RPS6KA2: variants seen among roughly 807,000 people sequenced by gnomAD.
The protein encoded by RPS6KA2 is ribosomal protein S6 kinase alpha-2.
In RPS6KA2, 42 loss-of-function variants were observed where a neutral mutation model predicts 91.8. The ratio of observed to expected loss-of-function variants is 0.46; its 90% CI spans 0.36 to 0.59. RPS6KA2 has a LOEUF of 0.59. RPS6KA2 is among the 20% of genes least tolerant of loss of function. The pLI, the probability that RPS6KA2 is intolerant of heterozygous loss-of-function variation, is 0.00. For synonymous variants in RPS6KA2, 414 were observed against 393.6 expected, an observed-to-expected ratio of 1.05 and a Z score of -0.61; for missense variants, 798 against 978.5, an observed-to-expected ratio of 0.82 and a Z score of 2.46.
rs369187418 is a variant in RPS6KA2 at position 166,469,930 on chromosome 6, T to C, written c.908-25A>G. ...CCTGTCAACAACACAGAAATGATCA[T>C]CAGAACAAATCCAAGATGGGGTTCT... On this transcript the variant is annotated intron_variant, in intron 10 of 20. Transcript: ENST00000265678. 173 of 1,601,228 alleles carry C rather than the reference T, an allele frequency of 1.1e-4. No individual in the cohort carries two copies. The African/African-American group carries it at 2.1e-3, about 19-fold the overall frequency.
chr6:166,694,000 T>A (rs187452066), intron 2 of RPS6KA2, among the ~76,000 whole-genome samples: 1 of 152,324 alleles, frequency 6.6e-6, no homozygotes, highest in Non-Finnish European at 1.5e-5. Flanking sequence ...AATGACAAAA[T>A]TGATAGAATG....
chr6:166,450,307 A>AC (rs1779849885), intron 13 of RPS6KA2, among the ~76,000 whole-genome samples: 2 of 147,874 alleles, frequency 1.4e-5, no homozygotes, highest in Admixed American at 6.7e-5. Flanking sequence ...GGGGACCACC[A>AC]TAGGGACCAC....
At chr6:166,841,798 T>A (rs1336545680) in intron 2 of RPS6KA2, among the ~76,000 whole-genome samples, 1 of 152,196 alleles carries the variant, frequency 6.6e-6, no homozygotes, top group Non-Finnish European at 1.5e-5. Flanking sequence ...TCTAAAGAGA[T>A]GAGGAAGAGG....
chr6:166,470,008 C>T, intron 10 of RPS6KA2, 103 bp from the exon 11 acceptor site: 2 of 1,057,632 alleles, frequency 1.9e-6, no homozygotes, highest in East Asian at 2.4e-5. Context: ...AGAGGTGGGG[C>T]CGTGGGAAGG....
intron 2 of RPS6KA2, among the ~76,000 whole-genome samples, chr6:166,804,459 A>G (rs1019527462): frequency 6.6e-6 from 1 of 152,048 alleles, no homozygotes; most frequent in Admixed American, 6.5e-5. Context: ...CTCTTTTTGA[A>G]CAAACGATCT....
intron 2 of RPS6KA2, among the ~76,000 whole-genome samples, chr6:166,810,888 G>A (rs1211317227): frequency 6.6e-6 from 1 of 152,172 alleles, no homozygotes; most frequent in African/African-American, 2.4e-5. Flanking sequence ...AGCACCAAGT[G>A]TCTCCACACA....
chr6:166,745,440 C>T (rs540843273), intron 2 of RPS6KA2, among the ~76,000 whole-genome samples: 1 of 152,330 alleles, frequency 6.6e-6, no homozygotes, highest in Non-Finnish European at 1.5e-5. Context: ...GTGTGAGCCA[C>T]TGCACCCGGC....
chr6:166,844,186 A>G (rs1337681537), intron 2 of RPS6KA2, among the ~76,000 whole-genome samples: 1 of 152,162 alleles, frequency 6.6e-6, no homozygotes, highest in African/African-American at 2.4e-5. Flanking sequence ...GAGCTCAAAG[A>G]CAAGGCTTTC....
At chr6:166,548,537 G>A (rs1783899691) in intron 1 of RPS6KA2, among the ~76,000 whole-genome samples, 1 of 152,166 alleles carries the variant, frequency 6.6e-6, no homozygotes, top group Non-Finnish European at 1.5e-5. Context: ...AGGAATAGAA[G>A]CATTCAAATA....
intron 2 of RPS6KA2, among the ~76,000 whole-genome samples, chr6:166,723,645 G>A (rs1174225909): frequency 6.6e-6 from 1 of 152,022 alleles, no homozygotes; most frequent in Non-Finnish European, 1.5e-5. Flanking sequence ...TCTATAGTTA[G>A]GAAATGACCG....
At position 166,732,174 on chromosome 6, in the gene RPS6KA2, G is replaced by A. The variant is rs938831843; in HGVS notation, c.123+126026C>T. On this transcript the variant is annotated intron_variant, in intron 2 of 21. Coordinates refer to the RPS6KA2 transcript ENST00000503859. This position sits in a 1 kb window ranked among gnomAD's most constrained non-coding sequence, Gnocchi z 4.0. ...ACCAAGAAAAATACTTTAATACAAT[G>A]TGCCAAAAACAGTAACATCAACCTG... is the stretch of plus-strand genomic sequence containing the variant. 6.7e-6 allele frequency among the ~76,000 whole-genome samples: 1 copy of A among 148,798 alleles called. No homozygotes were observed. The highest frequency in any genetic ancestry group is 1.5e-5 in the Non-Finnish European group (1 of 67,936).
intron 1 of RPS6KA2, among the ~76,000 whole-genome samples, chr6:166,625,867 T>C (rs894296199): frequency 2.0e-5 from 3 of 152,250 alleles, no homozygotes; most frequent in African/African-American, 7.2e-5. Flanking sequence ...AGAAACTTTT[T>C]AAACAAGTAA....
chr6:166,536,499 A>G (rs948058573), intron 2 of RPS6KA2, among the ~76,000 whole-genome samples: 3 of 152,162 alleles, frequency 2.0e-5, no homozygotes, highest in Admixed American at 6.5e-5. Flanking sequence ...GACAAATACA[A>G]TTTGTATCTG....
intron 1 of RPS6KA2, among the ~76,000 whole-genome samples, chr6:166,616,397 C>G (rs557254604): frequency 8.0e-5 from 12 of 149,772 alleles, no homozygotes; most frequent in African/African-American, 2.8e-4. Flanking sequence ...ACCACCACCA[C>G]TAACGGGACC....
intron 2 of RPS6KA2, among the ~76,000 whole-genome samples, chr6:166,748,483 G>C (rs1264514099): frequency 2.6e-5 from 4 of 151,860 alleles, no homozygotes; most frequent in Non-Finnish European, 5.9e-5. Flanking sequence ...GGGGCTGGAG[G>C]ATGCTGGGCA....
rs1001171763 is a variant in RPS6KA2 at position 166,419,299 on chromosome 6, G to A, written c.1820+583C>T. Among the ~76,000 whole-genome samples, 1 of 152,212 alleles carries A rather than the reference G, an allele frequency of 6.6e-6. No individual in the cohort carries two copies. Among genetic ancestry groups the A allele is most frequent in the Non-Finnish European group, 1.5e-5 (1 of 68,040 alleles). On this transcript the variant is annotated intron_variant, in intron 18 of 20. Coordinates refer to ENST00000265678, the MANE Select transcript of RPS6KA2 (RefSeq NM_021135.6). The surrounding 1 kb of genome is among the most constrained non-coding windows in gnomAD (Gnocchi z 5.6). ...CTTCCTGCCTAGAAGCAACCATGGT[G>A]TGTCCTCTTCTCACTCAGGGGAGAG...
chr6:166,748,528 T>C (rs1453480104), intron 2 of RPS6KA2, among the ~76,000 whole-genome samples: 15 of 147,096 alleles, frequency 1.0e-4, no homozygotes, highest in African/African-American at 3.5e-4. Context: ...GGGCCCCACC[T>C]CCTCGGGCCC....
chr6:166,833,072 T>C (rs1012391194), intron 2 of RPS6KA2, among the ~76,000 whole-genome samples: 3 of 152,250 alleles, frequency 2.0e-5, no homozygotes, highest in African/African-American at 7.2e-5. Context: ...GTGCTTACTG[T>C]GTGCCCACAG....
chr6:166,858,010 G>A (rs1780952375), intron 2 of RPS6KA2: 4 of 540,904 alleles, frequency 7.4e-6, no homozygotes, highest in East Asian at 3.3e-5. Flanking sequence ...GGAGATTACC[G>A]AATATAATAA....
Sources: allele counts gnomAD v4.1 joint callset (sites outside exome capture counted in the v4.1 genomes callset), GRCh38; gene constraint gnomAD v4.1.1; non-coding constraint Gnocchi (gnomAD v3.1); transcripts MANE v1.5; gene names NCBI Gene and HGNC (gene_info 2026-07-23, HGNC 2026-07-21).